NID1: variants seen among roughly 807,000 people sequenced by gnomAD.
NID1 encodes the protein nidogen-1.
NID1 carries 76 observed loss-of-function variants against 130.6 expected under a neutral mutation model. The observed-to-expected ratio is 0.58, with a 90% confidence interval of 0.48 to 0.70. The LOEUF (loss-of-function observed/expected upper bound fraction) is 0.70. NID1 is among the 30% of genes least tolerant of loss of function. NID1 has a pLI of 0.00. For missense variants in NID1, 1,517 were observed against 1,664.8 expected, an observed-to-expected ratio of 0.91 and a Z score of 1.54; for synonymous variants, 665 against 675.1, an observed-to-expected ratio of 0.98 and a Z score of 0.23.
At position 236,017,193 on chromosome 1, in the gene NID1, C is replaced by T. The variant is rs375679312; in HGVS notation, c.2209G>A (p.Glu737Lys). ...GAAAACTGGTAGCCCTCCACACACT[C>T]GCAGCGGAAGGTTCCTGGGTGATTA... ...CNNHPGTFRC[E>K]CVEGYQFSDE... The change falls in exon 10 of 20, where the codon GAG (glutamate) becomes AAG (lysine). Residue 737 changes from glutamate to lysine, a missense_variant. Transcript: ENST00000264187. 70 of 1,614,146 alleles carry T rather than the reference C, an allele frequency of 4.3e-5. No individual in the cohort carries two copies. Among genetic ancestry groups the T allele is most frequent in the African/African-American group, 8.0e-5 (6 of 75,046 alleles).
intron 8 of NID1, among the ~76,000 whole-genome samples, chr1:236,024,422 C>A: frequency 6.6e-6 from 1 of 152,382 alleles, no homozygotes; most frequent in Middle Eastern, 3.4e-3. Context: ...TTATTAGCAA[C>A]CAGCAACGTC....
intron 12 of NID1, 101 bp downstream of exon 12, chr1:236,011,791 ATGTGCTCTGGATTCATGGACAGGGCAACG>A (rs1658432508): frequency 4.4e-5 from 60 of 1,365,112 alleles, no homozygotes; most frequent in Middle Eastern, 5.2e-4. Context: ...GCAACGGGCC[ATGTGCTCTGGATTCATGGACAGGGCAACG>A]GGCCATGTGC....
intron 5 of NID1, 25 bp from the exon 6 acceptor site, chr1:236,032,677 T>A: frequency 6.2e-7 from 1 of 1,612,134 alleles, no homozygotes; most frequent in Non-Finnish European, 8.5e-7. Context: ...AAAGAAAGAA[T>A]ATAGAGATCA....
At position 236,027,722 on chromosome 1, in the gene NID1, C is replaced by G. The variant is rs2102828149; in HGVS notation, c.1739-1581G>C. Among the ~76,000 whole-genome samples the G allele has an allele frequency of 1.3e-5, 2 of 152,088 alleles. 1 individual carries two copies. Among genetic ancestry groups the G allele is most frequent in the South Asian group, 4.2e-4 (2 of 4,814 alleles). On this transcript the variant is annotated intron_variant, in intron 7 of 19. Coordinates refer to ENST00000264187, the MANE Select transcript of NID1 (RefSeq NM_002508.3). ...TAGGCGCCTATAATCCCAGCTATTT[C>G]AGAGGTGGAGGCAGGAGAATCACTT...
rs143389533 is a variant in NID1, at chr1:236,058,281, T to TTAGC, written c.225+6573_225+6574insGCTA. Reference sequence around the variant, plus strand: ...TGAGAAAAAGTTCCTTTAGCAAAGTTAAACTTCAGCTCACTATGTGGCTAG... The same window carrying TTAGC: ...TGAGAAAAAGTTCCTTTAGCAAAGTTTAGCAAACTTCAGCTCACTATGTGGCTAG... On this transcript the variant is annotated intron_variant, in intron 1 of 19. Coordinates refer to ENST00000264187, the MANE Select transcript of NID1 (RefSeq NM_002508.3). Among the ~76,000 whole-genome samples the TTAGC allele has an allele frequency of 3.7e-3, 568 of 152,298 alleles. 2 individuals carry two copies. Among genetic ancestry groups the TTAGC allele is most frequent in the Middle Eastern group, 0.017 (5 of 294 alleles).
In NID1 at chr1:236,064,861, T is replaced by A. The variant is rs1481540538; in HGVS notation, c.219A>T (p.Ala73=). The A allele has an allele frequency of 7.4e-6, 12 of 1,611,078 alleles. No individual in the cohort carries two copies. The highest frequency in any genetic ancestry group is 1.3e-5 in the African/African-American group (1 of 74,838). The change falls in exon 1 of 20, where the codon GCA becomes GCT. Residue 73 remains alanine, a synonymous_variant. Coordinates refer to ENST00000264187, the MANE Select transcript of NID1 (RefSeq NM_002508.3). Reference sequence around the variant, plus strand: ...CCTCCCGGGGCTCACTCACGTAGACTGCGTCGATGTCGGATCTGTCGTAGA... The same window carrying A: ...CCTCCCGGGGCTCACTCACGTAGACAGCGTCGATGTCGGATCTGTCGTAGA... The part of the protein sequence containing the change: ...LRFYDRSDID[A]VYVTTNGIIA...
Position 235,980,641 on chromosome 1 carries a change from C to T in NID1, c.3240G>A (p.Trp1080Ter). The T allele has an allele frequency of 6.2e-7, 1 of 1,613,538 alleles. No homozygotes were observed. Among genetic ancestry groups the T allele is most frequent in the Non-Finnish European group, 8.5e-7 (1 of 1,179,818 alleles). Residue 1080 changes from tryptophan (W) to a stop codon, truncating the protein, a stop_gained, in exon 17 of 20, where the codon TGG (tryptophan) becomes TGA (stop). Coordinates refer to ENST00000264187, the MANE Select transcript of NID1 (RefSeq NM_002508.3). LOFTEE classifies it high-confidence loss of function. Reference sequence around the variant, plus strand: ...TGGGGTTATCTCTGTTCCAGTCTGTCCAGTAAAGGTTCCTGGAGGAGGAAA... The same window carrying T: ...TGGGGTTATCTCTGTTCCAGTCTGTTCAGTAAAGGTTCCTGGAGGAGGAAA... ...VTDSVRGNLY[W>*]TDWNRDNPKI...
At chr1:236,059,163 T>G (rs890013626) in intron 1 of NID1, among the ~76,000 whole-genome samples, 1 of 152,236 alleles carries the variant, frequency 6.6e-6, no homozygotes, top group Non-Finnish European at 1.5e-5. Flanking sequence ...CTGGAGTCCG[T>G]AACCCGTGCT....
chr1:235,984,869 TGAG>T (rs976036921), intron 15 of NID1, among the ~76,000 whole-genome samples: 2 of 152,008 alleles, frequency 1.3e-5, no homozygotes, highest in Admixed American at 6.6e-5. Flanking sequence ...TTTCCTCAAT[TGAG>T]GAATTGAGGT....
intron 14 of NID1, among the ~76,000 whole-genome samples, chr1:235,988,639 A>G (rs942049263): frequency 1.3e-4 from 20 of 152,374 alleles, no homozygotes; most frequent in African/African-American, 4.8e-4. Flanking sequence ...CTGATAGATG[A>G]ATAAATACAC....
rs1448525276 is a variant in NID1, at chr1:235,976,682, A to T, written c.*1185T>A. 2.6e-5 allele frequency: 4 copies of T among 152,228 alleles called. No homozygotes were observed. Among genetic ancestry groups the T allele is most frequent in the Non-Finnish European group, 5.9e-5 (4 of 68,040 alleles). 9.4% of individuals were successfully genotyped at this position (152,228 alleles called of 1,614,324 possible). A position where few individuals can be genotyped will look rare whatever the true frequency, so the allele number is the denominator to read the frequency against. On this transcript the variant is annotated 3_prime_UTR_variant, in exon 20 of 20. Transcript: ENST00000264187. The stretch of plus-strand genomic sequence containing the variant: ...ACAAATTGTAGAAATATAAACATGA[A>T]ATGTGGCAATGATCCCTTTAATTAG...
chr1:236,010,300 CT>C (rs551127579), intron 12 of NID1, among the ~76,000 whole-genome samples: 2,164 of 107,148 alleles, frequency 0.02, 28 homozygotes, highest in African/African-American at 0.067. Flanking sequence ...GCTATTTATA[CT>C]TTTTTTTTTT....
rs569636475 is a variant in NID1 at position 236,034,749 on chromosome 1, A to G, written c.1286-2097T>C. On this transcript the variant is annotated intron_variant, in intron 5 of 19. Transcript: ENST00000264187. ...AGTTGGACAACTTTGTGAATATATT[A>G]AAACCCACCAAATTGTATACTTTAA... is the stretch of plus-strand genomic sequence containing the variant. Among the ~76,000 whole-genome samples, 5 of 152,314 alleles carry G rather than the reference A, an allele frequency of 3.3e-5. No individual in the cohort carries two copies. The South Asian group carries it at 1.0e-3, about 32-fold the overall frequency.
chr1:236,014,839 T>A (rs1340473993), intron 10 of NID1, among the ~76,000 whole-genome samples: 1 of 152,176 alleles, frequency 6.6e-6, no homozygotes, highest in Non-Finnish European at 1.5e-5. Flanking sequence ...CAGAGGGGTA[T>A]CTACATCTTC....
intron 12 of NID1, among the ~76,000 whole-genome samples, chr1:235,996,150 T>C (rs190782064): frequency 6.6e-6 from 1 of 151,992 alleles, no homozygotes; most frequent in African/African-American, 2.4e-5. Flanking sequence ...CAAGACCCTG[T>C]CCCCCAAAAA....
At chr1:235,996,662 C>T (rs368171751) in intron 12 of NID1, among the ~76,000 whole-genome samples, 3 of 152,224 alleles carry the variant, frequency 2.0e-5, no homozygotes, top group African/African-American at 7.2e-5. Context: ...AGACTGGTCT[C>T]GAACTACTGA....
chr1:236,063,964 T>C (rs1410337508), intron 1 of NID1, among the ~76,000 whole-genome samples: 3 of 152,190 alleles, frequency 2.0e-5, no homozygotes, highest in Non-Finnish European at 4.4e-5. Context: ...TAAGGCGCAG[T>C]GTTCCCAGGC....
At chr1:236,008,319 A>C (rs1658308149) in intron 12 of NID1, among the ~76,000 whole-genome samples, 1 of 152,180 alleles carries the variant, frequency 6.6e-6, no homozygotes. Context: ...TTCAGTAGCC[A>C]TGATCTTCAC....
intron 9 of NID1, among the ~76,000 whole-genome samples, chr1:236,020,050 A>C (rs969704985): frequency 9.3e-4 from 128 of 136,956 alleles, no homozygotes; most frequent in African/African-American, 2.5e-3. Context: ...AAAAAAAAAA[A>C]AAAAAAAACA....
Sources: gnomAD v4.1 joint callset for allele counts (sites outside exome capture counted in the v4.1 genomes callset) on GRCh38, gnomAD v4.1.1 for gene constraint, MANE v1.5 for transcripts, NCBI Gene and HGNC (gene_info 2026-07-23, HGNC 2026-07-21) for gene names.